The following PCDHA5 variants were observed in gnomAD, a reference collection of about 807,000 sequenced individuals.
The protein encoded by PCDHA5 is protocadherin alpha 5.
In PCDHA5, 43 loss-of-function variants were observed where a neutral mutation model predicts 61.6. The observed-to-expected ratio is 0.70, with a 90% confidence interval of 0.55 to 0.90. PCDHA5 has a LOEUF of 0.90. Among genes scored for constraint, PCDHA5 ranks in the 40% least tolerant of loss-of-function variants. The probability of loss-of-function intolerance (pLI) is 0.00; values close to 1 mark genes in which losing one functional copy is unlikely to be tolerated. For missense variants in PCDHA5, 1,298 were observed against 1,222.7 expected, an observed-to-expected ratio of 1.06 and a Z score of -0.92; for synonymous variants, 627 against 543.9, an observed-to-expected ratio of 1.15 and a Z score of -2.13.
chr5:140,836,534 G>T (rs1774544367), intron 1 of PCDHA5: 1 of 1,613,844 alleles, frequency 6.2e-7, no homozygotes, highest in Non-Finnish European at 8.5e-7. Flanking sequence ...CCCTGCTGCT[G>T]TACACGGCGT....
intron 1 of PCDHA5, among the ~76,000 whole-genome samples, chr5:140,919,151 G>A (rs1246862771): frequency 2.6e-5 from 4 of 152,122 alleles, no homozygotes; most frequent in African/African-American, 9.7e-5. Flanking sequence ...ATTATTAGAT[G>A]CAAGTATGTT....
At chr5:140,943,690 CA>C (rs2093548144) in intron 1 of PCDHA5, among the ~76,000 whole-genome samples, 1 of 151,974 alleles carries the variant, frequency 6.6e-6, no homozygotes, top group Non-Finnish European at 1.5e-5. Context: ...GGGATAAGGT[CA>C]AAATATTGTG....
At chr5:140,870,826 G>T (rs781804523) in intron 1 of PCDHA5, 16 of 1,613,638 alleles carry the variant, frequency 9.9e-6, no homozygotes, top group Non-Finnish European at 1.3e-5. Context: ...CGCGGGAGGC[G>T]CAGTTAACAA....
intron 1 of PCDHA5, chr5:140,854,524 C>T (rs1220385144): frequency 6.7e-6 from 1 of 149,864 alleles, no homozygotes; most frequent in Non-Finnish European, 1.5e-5. Flanking sequence ...TTAAGTGACA[C>T]CCATTTCTGT....
chr5:140,867,956 C>T (rs1581824842), intron 1 of PCDHA5: 1 of 151,940 alleles, frequency 6.6e-6, no homozygotes, highest in East Asian at 1.9e-4. Context: ...GCTCCCAAAC[C>T]CAAAATTCTT....
In PCDHA5 at chr5:140,823,820, C is replaced by G; in HGVS notation, c.2045C>G (p.Ser682Trp). The change falls in exon 1 of 4, where the codon TCG (serine) becomes TGG (tryptophan). Residue 682 changes from serine to tryptophan, a missense_variant. Coordinates refer to ENST00000529859, the MANE Select transcript of PCDHA5 (RefSeq NM_018908.3). Reference sequence around the variant, plus strand: ...GCGCCGAAGGCCTCATCGCGGGCGTCGGCGGGCGCTGTGGGTCCCGAGGCT... The same window carrying G: ...GCGCCGAAGGCCTCATCGCGGGCGTGGGCGGGCGCTGTGGGTCCCGAGGCT... ...GQAPKASSRA[S>W]AGAVGPEAAL... 6.2e-7 allele frequency: 1 copy of G among 1,613,790 alleles called. No homozygotes were observed. Among genetic ancestry groups the G allele is most frequent in the Non-Finnish European group, 8.5e-7 (1 of 1,179,904 alleles).
rs1554128922 is a variant in PCDHA5 at position 140,822,859 on chromosome 5, G to T, written c.1084G>T (p.Ala362Ser). ...TTLFLPVKED[A>S]PLSTVIALIS... Reference sequence around the variant, plus strand: ...CCTTTTCCTGCCTGTCAAAGAGGACGCTCCACTCAGCACGGTCATTGCTCT... The same window carrying T: ...CCTTTTCCTGCCTGTCAAAGAGGACTCTCCACTCAGCACGGTCATTGCTCT... The change falls in exon 1 of 4, where the codon GCT becomes TCT. Residue 362 changes from alanine to serine, a missense_variant. By Grantham distance (99) the Ala-to-Ser change is moderately conservative. Coordinates refer to ENST00000529859, the MANE Select transcript of PCDHA5 (RefSeq NM_018908.3). 2 of 1,614,176 alleles carry T rather than the reference G, an allele frequency of 1.2e-6. No individual in the cohort carries two copies. The highest frequency in any genetic ancestry group is 1.1e-5 in the South Asian group (1 of 91,080).
intron 3 of PCDHA5, among the ~76,000 whole-genome samples, chr5:140,984,412 A>G (rs1189115390): frequency 5.9e-5 from 9 of 152,184 alleles, no homozygotes; most frequent in African/African-American, 2.2e-4. Flanking sequence ...TATCTTTTTT[A>G]CAGAGATAGA....
chr5:140,849,883 T>C lies in PCDHA5; in HGVS notation c.2352+25756T>C, dbSNP rs2150456208. The C allele has an allele frequency of 4.4e-6, 7 of 1,598,290 alleles. No homozygotes were observed. Among genetic ancestry groups the C allele is most frequent in the Non-Finnish European group, 6.0e-6 (7 of 1,167,932 alleles). ...TTCGCGCAGTCCGAGTACACGGTGTTCGTGAAGGAGAACAACCCGCCGGGC... is the reference window on the plus strand; with the variant it reads ...TTCGCGCAGTCCGAGTACACGGTGTCCGTGAAGGAGAACAACCCGCCGGGC... On this transcript the variant is annotated intron_variant, in intron 1 of 3. Transcript: ENST00000529859.
intron 1 of PCDHA5, among the ~76,000 whole-genome samples, chr5:140,898,705 A>C (rs1351081569): frequency 1.3e-5 from 2 of 152,142 alleles, no homozygotes; most frequent in Admixed American, 1.3e-4. Flanking sequence ...ACTTTAAAGT[A>C]GTTTTTTCCA....
At chr5:140,891,218 A>G (rs1554184722) in intron 1 of PCDHA5, among the ~76,000 whole-genome samples, 1 of 152,044 alleles carries the variant, frequency 6.6e-6, no homozygotes, top group African/African-American at 2.4e-5. Flanking sequence ...CTGTGTCTTT[A>G]TAATCATCCT....
chr5:140,924,747 T>G (rs1026870483), intron 1 of PCDHA5, among the ~76,000 whole-genome samples: 2 of 151,786 alleles, frequency 1.3e-5, no homozygotes, highest in African/African-American at 4.8e-5. Flanking sequence ...ATACAAAAAT[T>G]AACCGAGCAT....
chr5:140,852,464 G>A (rs2042343085), intron 1 of PCDHA5: 1 of 189,256 alleles, frequency 5.3e-6, no homozygotes, highest in Non-Finnish European at 1.1e-5. Context: ...TTTTAGTAGA[G>A]ATGGGGTTTC....
At chr5:140,989,325 G>A (rs1389327103) in intron 3 of PCDHA5, among the ~76,000 whole-genome samples, 5 of 152,164 alleles carry the variant, frequency 3.3e-5, no homozygotes, top group African/African-American at 1.2e-4. Flanking sequence ...CACCAACTTT[G>A]CCACCTGACT....
At chr5:140,878,399 A>T (rs1246599611) in intron 1 of PCDHA5, among the ~76,000 whole-genome samples, 2 of 152,238 alleles carry the variant, frequency 1.3e-5, no homozygotes, top group East Asian at 3.8e-4. Flanking sequence ...TTGCTCACAA[A>T]ATATCTTCTT....
intron 1 of PCDHA5, among the ~76,000 whole-genome samples, chr5:140,916,856 G>C (rs529499839): frequency 2.6e-5 from 4 of 152,254 alleles, no homozygotes; most frequent in South Asian, 2.1e-4. Flanking sequence ...CCAGCACTAG[G>C]AGTTACCTAG....
intron 1 of PCDHA5, chr5:140,868,884 T>C: frequency 1.4e-6 from 1 of 728,466 alleles, no homozygotes; most frequent in East Asian, 2.8e-5. Flanking sequence ...ACTCACAGTT[T>C]TAGGCGCAAG....
At chr5:140,928,165 C>T (rs1554205580) in intron 1 of PCDHA5, 3 of 1,614,200 alleles carry the variant, frequency 1.9e-6, no homozygotes, top group East Asian at 2.2e-5. Context: ...CTCACCCCCA[C>T]TTAGCACCCG....
Position 140,823,980 on chromosome 5 carries a change from G to T in PCDHA5, c.2205G>T (p.Lys735Asn), listed in dbSNP as rs2150131135. 1.9e-6 allele frequency: 3 copies of T among 1,614,052 alleles called. No individual in the cohort carries two copies. Among genetic ancestry groups the T allele is most frequent in the East Asian group, 2.2e-5 (1 of 44,878 alleles). ...CCGAGGCCGTGTGCACACGGGGCAA[G>T]CCCACTCTGTTGTGCTCCAGCGCGG... ...QPTEAVCTRG[K>N]PTLLCSSAVG... The change falls in exon 1 of 4, where the codon AAG (lysine) becomes AAT (asparagine). Residue 735 changes from lysine to asparagine, a missense_variant. Lys to Asn is a moderately conservative substitution (Grantham distance 94). Transcript: ENST00000529859.
Sources: gnomAD v4.1 joint callset for allele counts (sites outside exome capture counted in the v4.1 genomes callset) on GRCh38, gnomAD v4.1.1 for gene constraint, MANE v1.5 for transcripts, NCBI Gene and HGNC (gene_info 2026-07-23, HGNC 2026-07-21) for gene names.